FREM1: variants seen among roughly 807,000 people sequenced by gnomAD.
FREM1 encodes FRAS1-related extracellular matrix protein 1.
FREM1 carries 220 observed loss-of-function variants against 210.1 expected under a neutral mutation model. The ratio of observed to expected loss-of-function variants is 1.05; its 90% CI spans 0.94 to 1.17. The LOEUF (loss-of-function observed/expected upper bound fraction) is 1.17. FREM1 is among the 50% of genes most tolerant of loss of function. The probability of loss-of-function intolerance (pLI) is 0.00; values close to 1 mark genes in which losing one functional copy is unlikely to be tolerated. For missense variants in FREM1, 3,454 were observed against 2,675.5 expected, an observed-to-expected ratio of 1.29 and a Z score of -6.42; for synonymous variants, 1,189 against 980.2, an observed-to-expected ratio of 1.21 and a Z score of -3.98.
intron 18 of FREM1, among the ~76,000 whole-genome samples, chr9:14,806,253 CTTT>C (rs35603165): frequency 2.3e-5 from 3 of 129,778 alleles, no homozygotes; most frequent in Non-Finnish European, 4.7e-5. Flanking sequence ...GTGCTTTAAA[CTTT>C]TTTTTTTTTT....
intron 1 of FREM1, among the ~76,000 whole-genome samples, chr9:14,874,715 T>A (rs1238973476): frequency 6.6e-6 from 1 of 152,162 alleles, no homozygotes; most frequent in African/African-American, 2.4e-5. Flanking sequence ...TCATTATGAT[T>A]TTAGCTGGTT....
Position 14,770,770 on chromosome 9 carries a change from G to C in FREM1, c.4894C>G (p.Leu1632Val). The C allele has an allele frequency of 6.2e-7, 1 of 1,613,194 alleles. No individual in the cohort carries two copies. The highest frequency in any genetic ancestry group is 8.5e-7 in the Non-Finnish European group (1 of 1,179,506). Residue 1632 changes from leucine to valine, a missense_variant, in exon 26 of 37, where the codon CTC (leucine) becomes GTC (valine). By Grantham distance (32) the Leu-to-Val change is conservative. Transcript: ENST00000380880. ...CCCACTTGAGAAGGGGAATGCAAGA[G>C]TGTGATACGAGGAGCTGTTTTGTCC... is the stretch of plus-strand genomic sequence containing the variant. ...QLDKTAPRIT[L>V]LHSPSQVGLL... is the part of the protein sequence containing the mutation.
At chr9:14,815,798 C>A (rs953263801) in intron 15 of FREM1, among the ~76,000 whole-genome samples, 8 of 152,256 alleles carry the variant, frequency 5.3e-5, no homozygotes, top group African/African-American at 1.9e-4. Context: ...CAGGTGCAAG[C>A]CACTATGCCC....
chr9:14,766,824 G>A (rs774376630), intron 27 of FREM1, among the ~76,000 whole-genome samples: 12 of 152,118 alleles, frequency 7.9e-5, no homozygotes, highest in Admixed American at 2.6e-4. Context: ...GTTCCACAGC[G>A]TTTAGCTCAT....
At position 14,859,362 on chromosome 9, in the gene FREM1, G is replaced by T; in HGVS notation, c.452C>A (p.Ser151Tyr). 6.2e-7 allele frequency: 1 copy of T among 1,613,850 alleles called. No individual in the cohort carries two copies. Among genetic ancestry groups the T allele is most frequent in the African/African-American group, 1.3e-5 (1 of 75,016 alleles). ...GAGCAGATTTTTATCAATCGCTTGGGACAAGCCATTGAATTCAGGCACCTC... is the reference window on the plus strand; with the variant it reads ...GAGCAGATTTTTATCAATCGCTTGGTACAAGCCATTGAATTCAGGCACCTC... Reference protein sequence around the residue: ...VLEVPEFNGLSQAIDKNLLRF... With the variant: ...VLEVPEFNGLYQAIDKNLLRF... Residue 151 changes from serine to tyrosine, a missense_variant, in exon 4 of 37, where the codon TCC (serine) becomes TAC (tyrosine). Physicochemically the swap from Ser to Tyr is moderately radical, Grantham distance 144 (BLOSUM62 -2). Coordinates refer to ENST00000380880, the MANE Select transcript of FREM1 (RefSeq NM_001379081.2).
Position 14,776,004 on chromosome 9 carries a change from G to T in FREM1, c.4642C>A (p.Gln1548Lys), listed in dbSNP as rs1293121289. Residue 1548 changes from glutamine to lysine, a missense_variant, in exon 25 of 37, where the codon CAG becomes AAG. Transcript: ENST00000380880. ...TAGAGCTGGCCATGCTGGGGGAGCT[G>T]AACCAAGAGGAAGGTGAGGTTCTCC... ...PAENLTFLLV[Q>K]LPQHGQLYLW... 1 of 1,613,904 alleles carries T rather than the reference G, an allele frequency of 6.2e-7. No homozygotes were observed. The highest frequency in any genetic ancestry group is 1.7e-5 in the Admixed American group (1 of 60,006).
chr9:14,802,172 A>G (rs1817413886), intron 19 of FREM1, among the ~76,000 whole-genome samples: 3 of 152,228 alleles, frequency 2.0e-5, no homozygotes, highest in African/African-American at 7.2e-5. Context: ...AGGTCAGGGG[A>G]AAAATGCAAC....
In FREM1 at chr9:14,737,502, G is replaced by T; in HGVS notation, c.6434C>A (p.Ser2145Tyr). The T allele has an allele frequency of 6.2e-7, 1 of 1,613,390 alleles. No homozygotes were observed. Among genetic ancestry groups the T allele is most frequent in the Non-Finnish European group, 8.5e-7 (1 of 1,179,592 alleles). The change falls in exon 37 of 37, where the codon TCC (serine) becomes TAC (tyrosine). Residue 2145 changes from serine (S) to tyrosine (Y), a missense_variant. Transcript: ENST00000380880. ...TNGRRGPSQR[S>Y]KLGKSCVLVQ... is the part of the protein sequence containing the mutation. ...CAAAACACAGCTCTTTCCAAGCTTG[G>T]AGCGTTGAGAGGGCCCTCTTCTCCC...
chr9:14,801,250 C>G (rs1474840607), intron 20 of FREM1, among the ~76,000 whole-genome samples: 1 of 152,286 alleles, frequency 6.6e-6, no homozygotes, highest in East Asian at 1.9e-4. Context: ...CACCTGTCTT[C>G]GTCTCCCAAA....
chr9:14,782,106 T>C (rs955082511), intron 24 of FREM1, among the ~76,000 whole-genome samples: 25 of 152,056 alleles, frequency 1.6e-4, no homozygotes, highest in African/African-American at 5.8e-4. Flanking sequence ...TACCTGAAGA[T>C]ATCTTTCAAA....
At chr9:14,759,966 T>A in intron 27 of FREM1, 65 bp from the exon 28 acceptor site, 2 of 1,361,126 alleles carry the variant, frequency 1.5e-6, no homozygotes, top group Non-Finnish European at 9.9e-7. Context: ...GATTCTCTGC[T>A]GAGCGGACTA....
intron 10 of FREM1, among the ~76,000 whole-genome samples, chr9:14,827,369 T>C (rs1164184099): frequency 6.6e-6 from 1 of 152,202 alleles, no homozygotes; most frequent in Non-Finnish European, 1.5e-5. Flanking sequence ...TTCTAACACG[T>C]TATGTAAGGC....
At chr9:14,762,755 A>T (rs1215603017) in intron 27 of FREM1, among the ~76,000 whole-genome samples, 11 of 137,924 alleles carry the variant, frequency 8.0e-5, no homozygotes, top group African/African-American at 2.4e-4. Context: ...TTTGAATGTG[A>T]TTTTTTTTTT....
chr9:14,747,706 C>T lies in FREM1; in HGVS notation c.5819G>A (p.Arg1940Lys). 2 of 1,543,016 alleles carry T rather than the reference C, an allele frequency of 1.3e-6. No homozygotes were observed. Among genetic ancestry groups the T allele is most frequent in the Non-Finnish European group, 1.8e-6 (2 of 1,141,348 alleles). Residue 1940 changes from arginine (R) to lysine (K), a missense_variant, in exon 32 of 37, where the codon AGA becomes AAA. Physicochemically the swap from Arg to Lys is conservative, Grantham distance 26. Coordinates refer to ENST00000380880, the MANE Select transcript of FREM1 (RefSeq NM_001379081.2). ...GKTVRPSSVY[R>K]NGTDIIYNYH... ...ATTATAGATGATGTCTGTTCCATTT[C>T]TATAAACAGAGGATGGACGAACCTG...
At chr9:14,793,951 A>G (rs1278466850) in intron 21 of FREM1, among the ~76,000 whole-genome samples, 1 of 152,206 alleles carries the variant, frequency 6.6e-6, no homozygotes, top group African/African-American at 2.4e-5. Context: ...AAAGCTAAGC[A>G]ATCAGTTGGT....
chr9:14,753,592 G>A (rs188524856), intron 29 of FREM1, among the ~76,000 whole-genome samples: 11 of 152,224 alleles, frequency 7.2e-5, no homozygotes, highest in South Asian at 4.1e-4. Context: ...CAAACCTTAC[G>A]GCATCCCACT....
Position 14,836,674 on chromosome 9 carries a change from G to A in FREM1, c.1881+4773C>T, listed in dbSNP as rs554516457. 5.3e-5 allele frequency among the ~76,000 whole-genome samples: 8 copies of A among 152,044 alleles called. No homozygotes were observed. Among genetic ancestry groups the A allele is most frequent in the South Asian group, 4.2e-4 (2 of 4,814 alleles). On this transcript the variant is annotated intron_variant, in intron 10 of 36. Coordinates refer to ENST00000380880, the MANE Select transcript of FREM1 (RefSeq NM_001379081.2). The surrounding 1 kb of genome is among the most constrained non-coding windows in gnomAD (Gnocchi z 4.9). Reference sequence around the variant, plus strand: ...ACTATGACTCAAATTGTTTCTTCTCGCCTAAAAGCAATCAAACTCCAAATG... The same window carrying A: ...ACTATGACTCAAATTGTTTCTTCTCACCTAAAAGCAATCAAACTCCAAATG...
chr9:14,885,197 T>C (rs1835593872), intron 1 of FREM1, among the ~76,000 whole-genome samples: 1 of 152,096 alleles, frequency 6.6e-6, no homozygotes, highest in Non-Finnish European at 1.5e-5. Flanking sequence ...CATTGCTTTT[T>C]ATTTTCTTTG....
At chr9:14,839,393 CAGAT>C (rs1229932528) in intron 10 of FREM1, among the ~76,000 whole-genome samples, 2 of 152,134 alleles carry the variant, frequency 1.3e-5, no homozygotes, top group African/African-American at 2.4e-5. Flanking sequence ...GTAAAGATGT[CAGAT>C]AGAGAGGTAG....
Sources: allele counts gnomAD v4.1 joint callset (sites outside exome capture counted in the v4.1 genomes callset), GRCh38; gene constraint gnomAD v4.1.1; non-coding constraint Gnocchi (gnomAD v3.1); transcripts MANE v1.5; gene names NCBI Gene and HGNC (gene_info 2026-07-23, HGNC 2026-07-21).